Variants in COL9A3 observed in about 807,000 individuals in gnomAD.
COL9A3 encodes the protein collagen alpha-3(IX) chain.
In COL9A3, 82 loss-of-function variants were observed where a neutral mutation model predicts 110.2. The observed-to-expected ratio is 0.74, with a 90% CI of 0.62 to 0.89. The LOEUF (loss-of-function observed/expected upper bound fraction) is 0.89. COL9A3 is among the 40% of genes least tolerant of loss of function. The pLI is 0.00. For missense variants in COL9A3, 1,066 were observed against 981.3 expected, an observed-to-expected ratio of 1.09 and a Z score of -1.15; for synonymous variants, 494 against 403.8, an observed-to-expected ratio of 1.22 and a Z score of -2.68.
chr20:62,835,855 C>T, intron 26 of COL9A3, 66 bp from the exon 27 acceptor site: 1 of 1,540,726 alleles, frequency 6.5e-7, no homozygotes, highest in East Asian at 2.2e-5. Flanking sequence ...ATTTTATCCT[C>T]AACTGGCTAC....
intron 22 of COL9A3, among the ~76,000 whole-genome samples, chr20:62,830,137 G>C (rs1411614154): frequency 6.6e-6 from 1 of 152,154 alleles, no homozygotes; most frequent in Non-Finnish European, 1.5e-5. Flanking sequence ...CTGGCCCCGA[G>C]TCTGGCCTGA....
intron 20 of COL9A3, 48 bp from the exon 21 acceptor site, chr20:62,829,580 C>T: frequency 6.2e-7 from 1 of 1,610,716 alleles, no homozygotes. Flanking sequence ...AGCGACCTGG[C>T]CCCAGTGCAG....
intron 13 of COL9A3, 118 bp downstream of exon 13, chr20:62,825,988 C>T: frequency 7.9e-7 from 1 of 1,260,774 alleles, no homozygotes; most frequent in Non-Finnish European, 1.1e-6. Context: ...TTGGCCAACA[C>T]CCAGGCACAG....
intron 2 of COL9A3, among the ~76,000 whole-genome samples, chr20:62,818,253 TG>T (rs1236444198): frequency 6.6e-6 from 1 of 152,180 alleles, no homozygotes; most frequent in Non-Finnish European, 1.5e-5. Flanking sequence ...GAGCCCCCCA[TG>T]ACCCACCCTC....
At chr20:62,840,497 T>C (rs760187124) in intron 31 of COL9A3, 45 bp from the exon 32 acceptor site, 1 of 1,566,118 alleles carries the variant, frequency 6.4e-7, no homozygotes. Flanking sequence ...CCCCCTGCTT[T>C]CAGTCCGGGC....
At chr20:62,826,941 G>GGTGTCCAGGGA in intron 15 of COL9A3, 121 bp downstream of exon 15, 11 of 1,123,840 alleles carry the variant, frequency 9.8e-6, no homozygotes, top group Non-Finnish European at 1.3e-5. Flanking sequence ...CTGTTCCCTG[G>GGTGTCCAGGGA]ACACCCTGGG....
intron 30 of COL9A3, among the ~76,000 whole-genome samples, chr20:62,837,811 A>T (rs1251391865): frequency 1.4e-5 from 2 of 148,140 alleles, no homozygotes; most frequent in African/African-American, 5.1e-5. Context: ...CGTCTCCATA[A>T]AAGAAAAAAA....
Position 62,836,474 on chromosome 20 carries a change from C to A in COL9A3, c.1549-4C>A, listed in dbSNP as rs190389066. The A allele has an allele frequency of 4.2e-4, 670 of 1,613,614 alleles. 4 individuals are homozygous for A. In the African/African-American group the frequency reaches 7.8e-3, roughly 19 times the overall value. Reference sequence around the variant, plus strand: ...TGCTGACGAATGTGTGGGGTGAATTCCAGGGGAAGGAGGCCAGCGAGCAGC... The same window carrying A: ...TGCTGACGAATGTGTGGGGTGAATTACAGGGGAAGGAGGCCAGCGAGCAGC... On this transcript the variant is annotated splice_region_variant and splice_polypyrimidine_tract_variant and intron_variant, in intron 28 of 31. Coordinates refer to ENST00000649368, the MANE Select transcript of COL9A3 (RefSeq NM_001853.4).
rs530176764 is a variant in COL9A3, at chr20:62,824,462, G to A, written c.537G>A (p.Pro179=). The A allele has an allele frequency of 2.9e-4, 469 of 1,601,794 alleles. 4 individuals carry two copies. In the South Asian group the frequency reaches 3.1e-3, roughly 11 times the overall value. Residue 179 remains proline (P), a synonymous_variant, in exon 11 of 32, where the codon CCG becomes CCA. Coordinates refer to ENST00000649368, the MANE Select transcript of COL9A3 (RefSeq NM_001853.4). The part of the protein sequence containing the change: ...ATDLQCPSIC[P]PGPPGPPGMP... Reference sequence around the variant, plus strand: ...TCCGACAGTGCCCAAGTATCTGCCCGCCAGGTCCCCCAGGGCCCCCTGGAA... The same window carrying A: ...TCCGACAGTGCCCAAGTATCTGCCCACCAGGTCCCCCAGGGCCCCCTGGAA...
intron 5 of COL9A3, 100 bp downstream of exon 5, chr20:62,820,082 C>G: frequency 7.3e-7 from 1 of 1,375,618 alleles, no homozygotes; most frequent in South Asian, 1.2e-5. Flanking sequence ...GCTGGTAGTT[C>G]CAAGGACAGC....
intron 13 of COL9A3, among the ~76,000 whole-genome samples, 156 bp from the exon 14 acceptor site, chr20:62,826,048 A>G (rs916218675): frequency 1.5e-4 from 23 of 152,114 alleles, no homozygotes; most frequent in African/African-American, 5.6e-4. Context: ...GCTGACCTCA[A>G]GGCTGGTGCC....
At chr20:62,817,018 C>G (rs1331248205), upstream of COL9A3, 2 of 1,141,888 alleles carry the variant, frequency 1.8e-6, no homozygotes, top group Non-Finnish European at 2.2e-6. Context: ...GCCCCGCCCG[C>G]CCGCGCGCCG....
chr20:62,829,701 C>A lies in COL9A3; in HGVS notation c.1107+20C>A. The A allele has an allele frequency of 6.2e-7, 1 of 1,603,852 alleles. No individual in the cohort carries two copies. On this transcript the variant is annotated intron_variant, in intron 21 of 31. Transcript: ENST00000649368. ...GTCCCTGTGAGTATCTGCGGCGCCC[C>A]AGACCCCTCCCCATCCAGCCTGTGT... is the stretch of plus-strand genomic sequence containing the variant.
Position 62,829,460 on chromosome 20 carries a change from C to A in COL9A3, c.1014C>A (p.Leu338=). The A allele has an allele frequency of 6.2e-7, 1 of 1,612,820 alleles. No homozygotes were observed. Among genetic ancestry groups the A allele is most frequent in the Non-Finnish European group, 8.5e-7 (1 of 1,179,926 alleles). ...CGCAAGCTCTCTCCTGGCAGGGCCT[C>A]CCTGGACGAGCGGGGTCCAAAGGCG... ...GEKGPNGLPG[L]PGRAGSKGEK... The change falls in exon 20 of 32, where the codon CTC becomes CTA. Residue 338 remains leucine (L), a synonymous_variant. Transcript: ENST00000649368.
At chr20:62,827,822 C>T in intron 16 of COL9A3, 101 bp from the exon 17 acceptor site, 2 of 1,299,256 alleles carry the variant, frequency 1.5e-6, no homozygotes, top group South Asian at 2.4e-5. Context: ...CCTGCCGCTG[C>T]CCACCATAGC....
In COL9A3 at chr20:62,830,359, G is replaced by T. The variant is rs866264742; in HGVS notation, c.1162-1G>T. The T allele has an allele frequency of 6.4e-7, 1 of 1,570,944 alleles. No individual in the cohort carries two copies. The highest frequency in any genetic ancestry group is 8.6e-7 in the Non-Finnish European group (1 of 1,157,618). On this transcript the variant is annotated splice_acceptor_variant, in intron 22 of 31. Coordinates refer to ENST00000649368, the MANE Select transcript of COL9A3 (RefSeq NM_001853.4). LOFTEE classifies it high-confidence loss of function. The stretch of plus-strand genomic sequence containing the variant: ...GCTCACACCTCACCTTTGTCTTCCA[G>T]GGGGCCCTCGGCCCACAAGGCCCTC...
intron 26 of COL9A3, among the ~76,000 whole-genome samples, chr20:62,833,486 C>T (rs1054177254): frequency 3.3e-5 from 5 of 152,042 alleles, no homozygotes; most frequent in South Asian, 2.1e-4. Context: ...TCGCTGCAAG[C>T]TCCGCCTCCC....
chr20:62,839,098 G>T (rs1057316140), intron 31 of COL9A3, among the ~76,000 whole-genome samples: 1 of 152,102 alleles, frequency 6.6e-6, no homozygotes, highest in East Asian at 1.9e-4. Flanking sequence ...GGTGGCGGGC[G>T]CCTGTAATCC....
At chr20:62,830,298 G>A (rs2063585230) in intron 22 of COL9A3, 62 bp from the exon 23 acceptor site, 3 of 1,532,840 alleles carry the variant, frequency 2.0e-6, no homozygotes, top group Non-Finnish European at 8.8e-7. Flanking sequence ...AGGCTCCCTG[G>A]GGCCTCTTGG....
Sources: gnomAD v4.1 joint callset for allele counts (sites outside exome capture counted in the v4.1 genomes callset) on GRCh38, gnomAD v4.1.1 for gene constraint, MANE v1.5 for transcripts, NCBI Gene and HGNC (gene_info 2026-07-23, HGNC 2026-07-21) for gene names.